Variants in EML6 observed in about 807,000 individuals in gnomAD.
The protein encoded by EML6 is EMAP like 6.
Under a neutral mutation model 240.1 loss-of-function variants are expected in EML6, and 154 were observed. The ratio of observed to expected loss-of-function variants is 0.64; its 90% CI spans 0.56 to 0.73. The LOEUF (loss-of-function observed/expected upper bound fraction) is 0.73. Among genes scored for constraint, EML6 ranks in the 30% least tolerant of loss-of-function variants. The pLI is 0.00. For missense variants in EML6, 2,964 were observed against 2,474.6 expected (o/e 1.20, Z -4.20); for synonymous variants, 1,148 against 899.0 (o/e 1.28, Z -4.95).
At chr2:54,872,619 G>A (rs1402102718) in intron 16 of EML6, among the ~76,000 whole-genome samples, 2 of 152,122 alleles carry the variant, frequency 1.3e-5, no homozygotes, top group South Asian at 2.1e-4. Context: ...GAGCCCTTGG[G>A]ACATCCATGG....
At chr2:54,920,396 A>G (rs935932225) in intron 26 of EML6, among the ~76,000 whole-genome samples, 8 of 152,208 alleles carry the variant, frequency 5.3e-5, no homozygotes, top group African/African-American at 1.9e-4. Context: ...CATGCCAACA[A>G]ATTGGATAAC....
Position 54,899,799 on chromosome 2 carries a change from TAC to T in EML6, c.3124+21_3124+22del. On this transcript the variant is annotated intron_variant, in intron 22 of 41. Coordinates refer to ENST00000356458, the MANE Select transcript of EML6 (RefSeq NM_001039753.4). ...TCAAAAAAGGTACATAACACCACCTTACACATCTGTCAGAGTATTTACAAGTA... is the reference window on the plus strand; with the variant it reads ...TCAAAAAAGGTACATAACACCACCTTACATCTGTCAGAGTATTTACAAGTA... The T allele has an allele frequency of 6.5e-7, 1 of 1,543,634 alleles. No individual in the cohort carries two copies. Among genetic ancestry groups the T allele is most frequent in the Admixed American group, 2.0e-5 (1 of 50,054 alleles).
intron 28 of EML6, among the ~76,000 whole-genome samples, chr2:54,943,844 G>C (rs1675550454): frequency 6.6e-6 from 1 of 152,118 alleles, no homozygotes. Context: ...TTTTCAGTAG[G>C]ACTTCAAATT....
intron 35 of EML6, among the ~76,000 whole-genome samples, chr2:54,962,006 A>C (rs1558730636): frequency 6.6e-6 from 1 of 151,638 alleles, no homozygotes; most frequent in African/African-American, 2.4e-5. Flanking sequence ...CCTGCCTCAA[A>C]AAACAAACAA....
At chr2:54,911,135 G>A (rs2304688) in intron 25 of EML6, 93 bp downstream of exon 25, 335,077 of 630,884 alleles carry the variant, frequency 0.53, 90,025 homozygotes, top group South Asian at 0.64. Context: ...ACTAATATGG[G>A]TTATATTTAC....
At chr2:54,730,889 G>A (rs939008016) in intron 2 of EML6, among the ~76,000 whole-genome samples, 31 of 152,184 alleles carry the variant, frequency 2.0e-4, no homozygotes, top group African/African-American at 7.5e-4. Context: ...CAAAGTTTCT[G>A]CCGCCTCGAA....
chr2:54,946,534 A>G (rs1249943929), intron 28 of EML6, among the ~76,000 whole-genome samples: 4 of 152,192 alleles, frequency 2.6e-5, no homozygotes. Flanking sequence ...TTAAACCTCC[A>G]GTGTTTGGCT....
At chr2:54,955,584 C>G (rs1387346614) in intron 32 of EML6, among the ~76,000 whole-genome samples, 1 of 152,192 alleles carries the variant, frequency 6.6e-6, no homozygotes, top group African/African-American at 2.4e-5. Context: ...CACACTGGCC[C>G]CACTGCACGG....
intron 9 of EML6, among the ~76,000 whole-genome samples, chr2:54,848,705 C>T (rs527912873): frequency 2.5e-4 from 38 of 152,264 alleles, no homozygotes; most frequent in African/African-American, 9.1e-4. Context: ...TTTACTGGCT[C>T]AGGGGACCTG....
chr2:54,895,525 C>G (rs1189612637), intron 21 of EML6, 125 bp downstream of exon 21: 3 of 852,372 alleles, frequency 3.5e-6, no homozygotes, highest in Non-Finnish European at 5.5e-6. Flanking sequence ...AAGAGTTGAA[C>G]TAGTTACCTA....
chr2:54,743,453 G>A (rs960852088), intron 2 of EML6, among the ~76,000 whole-genome samples: 4 of 152,166 alleles, frequency 2.6e-5, no homozygotes, highest in African/African-American at 9.7e-5. Flanking sequence ...TTTCAAAGAC[G>A]TATTTTATAT....
At chr2:54,921,356 A>G (rs1213094570) in intron 26 of EML6, among the ~76,000 whole-genome samples, 1 of 152,274 alleles carries the variant, frequency 6.6e-6, no homozygotes, top group East Asian at 1.9e-4. Flanking sequence ...ATGTTTAGGA[A>G]TAAGTTTAGC....
chr2:54,960,788 C>A (rs1676460362), intron 35 of EML6, among the ~76,000 whole-genome samples: 1 of 152,130 alleles, frequency 6.6e-6, no homozygotes, highest in African/African-American at 2.4e-5. Context: ...GTTTCCAACT[C>A]ATATTTGGGT....
intron 28 of EML6, among the ~76,000 whole-genome samples, chr2:54,937,553 TAAAAAAAAAA>T (rs34682923): frequency 1.3e-4 from 9 of 68,208 alleles, no homozygotes; most frequent in Middle Eastern, 0.011. Context: ...ACTCTGTCTT[TAAAAAAAAAA>T]AAAAAAAAAA....
chr2:54,865,903 A>G (rs1573029384), intron 13 of EML6, among the ~76,000 whole-genome samples: 1 of 152,250 alleles, frequency 6.6e-6, no homozygotes. Flanking sequence ...CATTTAAACA[A>G]TAGAAATATC....
At chr2:54,760,794 C>A (rs371847905) in intron 2 of EML6, among the ~76,000 whole-genome samples, 1 of 148,540 alleles carries the variant, frequency 6.7e-6, no homozygotes, top group East Asian at 2.0e-4. Context: ...TCCATTCTCT[C>A]TCCCCATTGC....
At chr2:54,942,737 T>C (rs1367604609) in intron 28 of EML6, among the ~76,000 whole-genome samples, 1 of 152,188 alleles carries the variant, frequency 6.6e-6, no homozygotes, top group Non-Finnish European at 1.5e-5. Context: ...GCTCCTGCCA[T>C]GCCCTGGGTT....
At chr2:54,871,711 G>A (rs1422645327) in intron 16 of EML6, 106 bp downstream of exon 16, 1 of 790,230 alleles carries the variant, frequency 1.3e-6, no homozygotes, top group Non-Finnish European at 2.2e-6. Context: ...ATTTAAACAT[G>A]CTCCCACTTA....
chr2:54,855,201 A>G (rs557599555), intron 11 of EML6, among the ~76,000 whole-genome samples: 3 of 152,312 alleles, frequency 2.0e-5, no homozygotes, highest in African/African-American at 4.8e-5. Context: ...TGTAGGCTAC[A>G]CAGGAAGTAT....
Sources: gnomAD v4.1 joint callset for allele counts (sites outside exome capture counted in the v4.1 genomes callset) on GRCh38, gnomAD v4.1.1 for gene constraint, MANE v1.5 for transcripts, NCBI Gene and HGNC (gene_info 2026-07-23, HGNC 2026-07-21) for gene names.